Variants in TRIO observed in about 807,000 individuals in gnomAD.
The protein encoded by TRIO is triple functional domain protein.
Under a neutral mutation model 351.9 loss-of-function variants are expected in TRIO, and 58 were observed. The ratio of observed to expected loss-of-function variants is 0.16; its 90% CI spans 0.13 to 0.21. TRIO has a LOEUF of 0.21. Ranked by LOEUF, TRIO falls within the 10% of genes least tolerant of loss-of-function variation. TRIO has a pLI of 1.00. For missense variants in TRIO, 3,201 were observed against 4,027.8 expected, an observed-to-expected ratio of 0.79 and a Z score of 5.56; for synonymous variants, 1,758 against 1,595.7, an observed-to-expected ratio of 1.10 and a Z score of -2.42.
chr5:14,221,772 A>C (rs560959706), intron 1 of TRIO, among the ~76,000 whole-genome samples: 1 of 152,196 alleles, frequency 6.6e-6, no homozygotes, highest in African/African-American at 2.4e-5. Flanking sequence ...TTGAGATGGA[A>C]TCTACACTTG....
At chr5:14,223,995 G>T (rs181710614) in intron 1 of TRIO, among the ~76,000 whole-genome samples, 93 of 152,204 alleles carry the variant, frequency 6.1e-4, no homozygotes, top group Admixed American at 2.0e-3. Context: ...CCCACATTTG[G>T]CCTGAAAATA....
At chr5:14,347,110 A>G (rs1742493943) in intron 11 of TRIO, among the ~76,000 whole-genome samples, 1 of 107,360 alleles carries the variant, frequency 9.3e-6, no homozygotes, top group Non-Finnish European at 1.9e-5. Context: ...TGCAGAACAG[A>G]GATGATGCTG....
intron 16 of TRIO, among the ~76,000 whole-genome samples, chr5:14,367,739 GAGA>G (rs1223141478): frequency 2.6e-5 from 4 of 152,214 alleles, no homozygotes; most frequent in African/African-American, 7.2e-5. Context: ...TTGTCAGCTA[GAGA>G]AGAAAGCTAC....
chr5:14,451,919 C>T (rs951663320), intron 34 of TRIO, among the ~76,000 whole-genome samples: 1 of 152,230 alleles, frequency 6.6e-6, no homozygotes, highest in Non-Finnish European at 1.5e-5. Context: ...ATGGGAATAT[C>T]TGTCTTTAAC....
chr5:14,435,577 A>G (rs1279271952), intron 34 of TRIO, among the ~76,000 whole-genome samples: 1 of 152,194 alleles, frequency 6.6e-6, no homozygotes, highest in Non-Finnish European at 1.5e-5. Context: ...CTACAACACT[A>G]TAGTGCTTAC....
chr5:14,498,216 C>T lies in TRIO; in HGVS notation c.8175C>T (p.Thr2725=), dbSNP rs370228527. The part of the protein sequence containing the change: ...SITWKGPEHN[T]LNNDGHYSIS... Reference sequence around the variant, plus strand: ...CCTGGAAGGGCCCTGAACACAACACCTTGAACAACGATGGTCACTACAGCA... The same window carrying T: ...CCTGGAAGGGCCCTGAACACAACACTTTGAACAACGATGGTCACTACAGCA... Residue 2725 remains threonine (T), a synonymous_variant, in exon 52 of 57, where the codon ACC becomes ACT. Coordinates refer to ENST00000344204, the MANE Select transcript of TRIO (RefSeq NM_007118.4). The T allele has an allele frequency of 3.9e-5, 63 of 1,614,134 alleles. No homozygotes were observed. Among genetic ancestry groups the T allele is most frequent in the Non-Finnish European group, 5.3e-5 (62 of 1,180,060 alleles).
intron 18 of TRIO, among the ~76,000 whole-genome samples, chr5:14,371,758 C>T (rs529534603): frequency 3.3e-5 from 5 of 151,768 alleles, no homozygotes; most frequent in Admixed American, 6.6e-5. Context: ...ATCCCACCTC[C>T]GCCCCCCTAG....
chr5:14,232,070 A>G (rs1581405796), intron 1 of TRIO, among the ~76,000 whole-genome samples: 1 of 152,182 alleles, frequency 6.6e-6, no homozygotes. Context: ...CTTAATCTTT[A>G]TGACAGCCCA....
In TRIO at chr5:14,168,274, T is replaced by C. The variant is rs563093604; in HGVS notation, c.157+24392T>C. On this transcript the variant is annotated intron_variant, in intron 1 of 56. Coordinates refer to ENST00000344204, the MANE Select transcript of TRIO (RefSeq NM_007118.4). The stretch of plus-strand genomic sequence containing the variant: ...AGAACTGGATATGCCACGTGTTTAA[T>C]TCATGACTGAGTTTTATGTGCTGTT... Among the ~76,000 whole-genome samples, 9 of 152,374 alleles carry C rather than the reference T, an allele frequency of 5.9e-5. No individual in the cohort carries two copies. In the South Asian group the frequency reaches 1.9e-3, roughly 32 times the overall value.
intron 3 of TRIO, among the ~76,000 whole-genome samples, chr5:14,284,668 C>T (rs1056453039): frequency 4.6e-5 from 7 of 152,072 alleles, no homozygotes; most frequent in South Asian, 4.1e-4. Flanking sequence ...CTTTGTAGTT[C>T]GTGTGCATAC....
chr5:14,221,864 G>A (rs1006354924), intron 1 of TRIO, among the ~76,000 whole-genome samples: 1 of 152,238 alleles, frequency 6.6e-6, no homozygotes, highest in African/African-American at 2.4e-5. Context: ...GCAGCAGCAG[G>A]GGTTGAGAAG....
At chr5:14,144,765 C>T (rs1193705460) in intron 1 of TRIO, among the ~76,000 whole-genome samples, 1 of 151,874 alleles carries the variant, frequency 6.6e-6, no homozygotes, top group Admixed American at 6.6e-5. Flanking sequence ...GACAGGGCGT[C>T]CCCGGTACCC....
intron 33 of TRIO, among the ~76,000 whole-genome samples, chr5:14,409,547 G>C (rs909613340): frequency 3.3e-5 from 5 of 152,030 alleles, no homozygotes; most frequent in Non-Finnish European, 7.4e-5. Flanking sequence ...ATCCCTGAAG[G>C]GTCGGCTGAG....
In TRIO at chr5:14,304,472, C is replaced by T. The variant is rs1461510086; in HGVS notation, c.1380C>T (p.Asn460=). Reference sequence around the variant, plus strand: ...TTTAACCTTCCAAGTATATGAGCAACGTGGATTCATGGTGTAAAGCTTGCG... The same window carrying T: ...TTTAACCTTCCAAGTATATGAGCAATGTGGATTCATGGTGTAAAGCTTGCG... The part of the protein sequence containing the change: ...FHQKAEKYMS[N]VDSWCKACGE... Residue 460 remains asparagine (N), a synonymous_variant, in exon 8 of 57, where the codon AAC becomes AAT. Transcript: ENST00000344204. The T allele has an allele frequency of 1.9e-6, 3 of 1,610,374 alleles. No individual in the cohort carries two copies. The highest frequency in any genetic ancestry group is 1.3e-5 in the African/African-American group (1 of 74,646).
In TRIO at chr5:14,419,741, C is replaced by T. The variant is rs748479609; in HGVS notation, c.4960-37C>T. 119 of 1,606,708 alleles carry T rather than the reference C, an allele frequency of 7.4e-5. No individual in the cohort carries two copies. In the Admixed American group the frequency reaches 2.0e-3, roughly 26 times the overall value. On this transcript the variant is annotated intron_variant, in intron 33 of 56. Transcript: ENST00000344204. ...GTACCTGAAGGCACCATGGCTCACA[C>T]TGGCTGACCTGTCCTCTCTTCCTCT...
At chr5:14,180,725 G>A (rs1050237472) in intron 1 of TRIO, among the ~76,000 whole-genome samples, 1 of 152,082 alleles carries the variant, frequency 6.6e-6, no homozygotes, top group Admixed American at 6.5e-5. Context: ...AGCTACTCAG[G>A]AGGCTGAGGC....
rs1484263261 is a variant in TRIO at position 14,236,867 on chromosome 5, A to G, written c.158-33958A>G. On this transcript the variant is annotated intron_variant, in intron 1 of 56. Coordinates refer to ENST00000344204, the MANE Select transcript of TRIO (RefSeq NM_007118.4). ...CAGCCTCCCCATTCCTTCCAGTCCCAAGCAACTACCAGGTGACTTTCTGTC... is the reference window on the plus strand; with the variant it reads ...CAGCCTCCCCATTCCTTCCAGTCCCGAGCAACTACCAGGTGACTTTCTGTC... Among the ~76,000 whole-genome samples, 5 of 152,060 alleles carry G rather than the reference A, an allele frequency of 3.3e-5. No homozygotes were observed. In the East Asian group the frequency reaches 9.7e-4, roughly 29 times the overall value.
At chr5:14,226,311 T>C (rs1793026116) in intron 1 of TRIO, among the ~76,000 whole-genome samples, 1 of 152,072 alleles carries the variant, frequency 6.6e-6, no homozygotes, top group Non-Finnish European at 1.5e-5. Flanking sequence ...AAGTCCTTTT[T>C]TCTGTAGAAC....
chr5:14,403,979 G>A (rs1561449510), intron 31 of TRIO, among the ~76,000 whole-genome samples: 1 of 147,668 alleles, frequency 6.8e-6, no homozygotes, highest in Non-Finnish European at 1.5e-5. Flanking sequence ...GGTACAGGTG[G>A]TGAGGGTGCA....
Sources: gnomAD v4.1 joint callset for allele counts (sites outside exome capture counted in the v4.1 genomes callset) on GRCh38, gnomAD v4.1.1 for gene constraint, MANE v1.5 for transcripts, NCBI Gene and HGNC (gene_info 2026-07-23, HGNC 2026-07-21) for gene names.